TASP1: variants seen among roughly 807,000 people sequenced by gnomAD.
The protein encoded by TASP1 is threonine aspartase 1.
Under a neutral mutation model 56.6 loss-of-function variants are expected in TASP1, and 16 were observed. The ratio of observed to expected loss-of-function variants is 0.28; its 90% CI spans 0.19 to 0.43. The LOEUF is 0.43. Among genes scored for constraint, TASP1 ranks in the 20% least tolerant of loss-of-function variants. The probability of loss-of-function intolerance (pLI) is 1.00; values close to 1 mark genes in which losing one functional copy is unlikely to be tolerated. For synonymous variants in TASP1, 179 were observed against 184.2 expected (o/e 0.97, Z 0.23); for missense variants, 393 against 511.6 (o/e 0.77, Z 2.24).
At chr20:13,319,536 G>A in the TASP1 span, among the ~76,000 whole-genome samples, 1 of 152,156 alleles carries the variant, frequency 6.6e-6, no homozygotes, top group Admixed American at 6.5e-5. Flanking sequence ...TCAGAGAAAA[G>A]AGAGAATGAA....
intron 4 of TASP1, among the ~76,000 whole-genome samples, chr20:13,605,929 C>T (rs2048131276): frequency 6.6e-6 from 1 of 152,086 alleles, no homozygotes; most frequent in Non-Finnish European, 1.5e-5. Context: ...CATGATCTGA[C>T]CCTTCCCTCC....
At chr20:13,568,632 T>C (rs1198334861) in intron 7 of TASP1, among the ~76,000 whole-genome samples, 1 of 152,202 alleles carries the variant, frequency 6.6e-6, no homozygotes, top group Non-Finnish European at 1.5e-5. Flanking sequence ...TTTACTCATA[T>C]TCCTGTGTTG....
At chr20:13,429,579 G>T (rs531924176) in intron 12 of TASP1, among the ~76,000 whole-genome samples, 1 of 151,880 alleles carries the variant, frequency 6.6e-6, no homozygotes, top group African/African-American at 2.4e-5. Context: ...GCTCCCATTT[G>T]TGCTATAGGA....
the TASP1 span, among the ~76,000 whole-genome samples, chr20:13,259,610 G>T: frequency 6.6e-6 from 1 of 152,194 alleles, no homozygotes; most frequent in Non-Finnish European, 1.5e-5. Flanking sequence ...TGATGATGAA[G>T]TAAGTGTGTA....
chr20:13,601,748 T>C (rs2047964211), intron 4 of TASP1, among the ~76,000 whole-genome samples: 1 of 151,930 alleles, frequency 6.6e-6, no homozygotes, highest in Admixed American at 6.6e-5. Context: ...GTGTAAGGCA[T>C]GTGATACAAG....
At chr20:13,107,549 C>T in the TASP1 span, among the ~76,000 whole-genome samples, 1 of 151,896 alleles carries the variant, frequency 6.6e-6, no homozygotes, top group African/African-American at 2.4e-5. Flanking sequence ...GAAAAGAACA[C>T]AATAGTGATG....
At chr20:13,621,280 A>C (rs1289985292) in intron 4 of TASP1, among the ~76,000 whole-genome samples, 1 of 151,752 alleles carries the variant, frequency 6.6e-6, no homozygotes, top group African/African-American at 2.4e-5. Context: ...AAAATACAAA[A>C]ATTAGCCGGG....
chr20:13,583,146 C>T (rs1011113026), intron 5 of TASP1, among the ~76,000 whole-genome samples: 10 of 152,348 alleles, frequency 6.6e-5, no homozygotes, highest in African/African-American at 2.4e-4. Flanking sequence ...CCCATAGGCA[C>T]ACATAGCAAG....
the TASP1 span, among the ~76,000 whole-genome samples, chr20:13,106,790 C>A: frequency 6.6e-6 from 1 of 152,224 alleles, no homozygotes; most frequent in Admixed American, 6.5e-5. Flanking sequence ...TTTCCTGTCA[C>A]TAGCAGAAGC....
intron 7 of TASP1, among the ~76,000 whole-genome samples, chr20:13,564,601 G>A (rs1350302218): frequency 1.3e-5 from 2 of 149,362 alleles, no homozygotes; most frequent in African/African-American, 4.9e-5. Flanking sequence ...TAAAATTCAT[G>A]TACAATCTAA....
intron 1 of TASP1, among the ~76,000 whole-genome samples, chr20:13,636,525 A>G (rs1022951381): frequency 1.3e-5 from 2 of 152,116 alleles, no homozygotes. Flanking sequence ...ACTCCAGGAC[A>G]TACTTAAATT....
intron 2 of TASP1, among the ~76,000 whole-genome samples, chr20:13,626,503 G>C (rs1244267258): frequency 6.6e-6 from 1 of 152,086 alleles, no homozygotes; most frequent in Non-Finnish European, 1.5e-5. Flanking sequence ...CTAGGCCTTA[G>C]GATTCCTACA....
At chr20:13,638,690 G>A (rs533723356) in intron 1 of TASP1, among the ~76,000 whole-genome samples, 3 of 152,258 alleles carry the variant, frequency 2.0e-5, no homozygotes, top group East Asian at 3.9e-4. Context: ...GGGGGACGAC[G>A]GGGCCGCCTA....
At chr20:13,304,094 A>C in the TASP1 span, among the ~76,000 whole-genome samples, 3 of 152,186 alleles carry the variant, frequency 2.0e-5, no homozygotes, top group Non-Finnish European at 4.4e-5. Context: ...TCTGTTCAAA[A>C]GGTAGAAAGC....
chr20:13,414,891 C>T (rs2146046148), intron 13 of TASP1, among the ~76,000 whole-genome samples: 1 of 151,964 alleles, frequency 6.6e-6, no homozygotes, highest in South Asian at 2.1e-4. Context: ...TACAATGATA[C>T]TGATTATTAT....
intron 10 of TASP1, among the ~76,000 whole-genome samples, chr20:13,516,665 T>G (rs992220905): frequency 8.6e-5 from 13 of 151,438 alleles, no homozygotes; most frequent in South Asian, 4.2e-4. Flanking sequence ...TTTGTTTTTT[T>G]TTTTTTTTTT....
At chr20:13,277,159 T>G in the TASP1 span, among the ~76,000 whole-genome samples, 1 of 152,204 alleles carries the variant, frequency 6.6e-6, no homozygotes, top group African/African-American at 2.4e-5. Context: ...AAAAATCATA[T>G]TGACGGTAAT....
the TASP1 span, among the ~76,000 whole-genome samples, chr20:13,227,506 CTTTT>C: frequency 8.5e-6 from 1 of 118,236 alleles, no homozygotes; most frequent in South Asian, 2.9e-4. Flanking sequence ...CCCAGCCCAA[CTTTT>C]TTCTTTTTTT....
the TASP1 span, chr20:13,160,236 A>G: frequency 2.2e-6 from 3 of 1,375,636 alleles, no homozygotes; most frequent in Non-Finnish European, 2.9e-6. Context: ...CTCTTGGGTT[A>G]TTTAGGAAAA....
Sources: gnomAD v4.1 joint callset for allele counts (sites outside exome capture counted in the v4.1 genomes callset) on GRCh38, gnomAD v4.1.1 for gene constraint, MANE v1.5 for transcripts, NCBI Gene and HGNC (gene_info 2026-07-23, HGNC 2026-07-21) for gene names.